The following CDH8 variants were observed in gnomAD, a reference collection of about 807,000 sequenced individuals.
CDH8 encodes the protein cadherin 8.
A neutral mutation model predicts 68.1 loss-of-function variants in CDH8; 17 were observed. The observed-to-expected ratio is 0.25, with a 90% CI of 0.17 to 0.37. The LOEUF (loss-of-function observed/expected upper bound fraction) is 0.37, where lower values mean the gene tolerates loss of function less well. CDH8 is among the 10% of genes least tolerant of loss of function. The pLI, the probability that CDH8 is intolerant of heterozygous loss-of-function variation, is 1.00. For synonymous variants in CDH8, 372 were observed against 365.1 expected (o/e 1.02, Z -0.21); for missense variants, 763 against 999.3 (o/e 0.76, Z 3.19).
At chr16:62,010,032 G>A (rs1316778429) in intron 2 of CDH8, among the ~76,000 whole-genome samples, 3 of 152,052 alleles carry the variant, frequency 2.0e-5, no homozygotes, top group Non-Finnish European at 4.4e-5. Flanking sequence ...AGCCCTGCCC[G>A]GGCCCAGGCT....
intron 1 of CDH8, among the ~76,000 whole-genome samples, chr16:62,034,793 C>T (rs1902413186): frequency 6.6e-6 from 1 of 152,166 alleles, no homozygotes; most frequent in Non-Finnish European, 1.5e-5. Flanking sequence ...TAAGCTCTAT[C>T]GTTTAATTGG....
intron 4 of CDH8, among the ~76,000 whole-genome samples, chr16:61,839,756 C>A (rs1234412696): frequency 6.6e-6 from 1 of 151,998 alleles, no homozygotes; most frequent in Non-Finnish European, 1.5e-5. Context: ...GAGATAGGGA[C>A]TAAGGGTTGG....
At chr16:61,734,279 G>A (rs1034351753) in intron 8 of CDH8, among the ~76,000 whole-genome samples, 1 of 149,668 alleles carries the variant, frequency 6.7e-6, no homozygotes, top group East Asian at 1.9e-4. Context: ...AGGTGAACTA[G>A]GAAGCATTCC....
intron 5 of CDH8, among the ~76,000 whole-genome samples, chr16:61,824,092 GC>G (rs1463083169): frequency 3.3e-5 from 5 of 151,746 alleles, no homozygotes; most frequent in Non-Finnish European, 5.9e-5. Context: ...ATATTATTCA[GC>G]CTTTAAAAAG....
chr16:61,754,857 A>T (rs1960270731), intron 8 of CDH8, among the ~76,000 whole-genome samples: 1 of 152,010 alleles, frequency 6.6e-6, no homozygotes, highest in Non-Finnish European at 1.5e-5. Flanking sequence ...TGGGGTATGA[A>T]TGGCCCCATC....
At chr16:61,702,372 A>G (rs1964447569) in intron 10 of CDH8, among the ~76,000 whole-genome samples, 1 of 145,234 alleles carries the variant, frequency 6.9e-6, no homozygotes, top group Non-Finnish European at 1.5e-5. Flanking sequence ...ACTCCGTCTC[A>G]AAAAAAGAAA....
intron 3 of CDH8, among the ~76,000 whole-genome samples, chr16:61,878,592 G>A (rs923378600): frequency 6.6e-5 from 10 of 152,064 alleles, no homozygotes; most frequent in African/African-American, 1.4e-4. Flanking sequence ...GTGTTGGTCC[G>A]TAGTAGGAGT....
intron 2 of CDH8, among the ~76,000 whole-genome samples, chr16:61,936,697 C>T (rs1964632232): frequency 6.6e-6 from 1 of 152,020 alleles, no homozygotes; most frequent in Admixed American, 6.6e-5. Flanking sequence ...TATGGGGGTC[C>T]AGAACTTAAC....
At chr16:61,924,859 T>A (rs1344773461) in intron 2 of CDH8, among the ~76,000 whole-genome samples, 1 of 152,108 alleles carries the variant, frequency 6.6e-6, no homozygotes, top group African/African-American at 2.4e-5. Flanking sequence ...AGGAGGATTA[T>A]TTGTAAGACA....
intron 10 of CDH8, among the ~76,000 whole-genome samples, chr16:61,683,190 T>C (rs2142806013): frequency 6.6e-6 from 1 of 152,154 alleles, no homozygotes; most frequent in South Asian, 2.1e-4. Flanking sequence ...TGTTTTTTAC[T>C]GCTTTGCAGA....
At chr16:61,715,613 A>T (rs547187380) in intron 9 of CDH8, among the ~76,000 whole-genome samples, 1 of 151,682 alleles carries the variant, frequency 6.6e-6, no homozygotes, top group African/African-American at 2.4e-5. Flanking sequence ...CATTTTGATA[A>T]ATCTTTTATA....
chr16:61,695,971 T>G (rs997110923), intron 10 of CDH8, among the ~76,000 whole-genome samples: 1 of 152,082 alleles, frequency 6.6e-6, no homozygotes, highest in Non-Finnish European at 1.5e-5. Flanking sequence ...TAGCAGATCT[T>G]GATATAAAAA....
chr16:61,809,221 A>G (rs1961879957), intron 7 of CDH8, among the ~76,000 whole-genome samples: 1 of 152,160 alleles, frequency 6.6e-6, no homozygotes, highest in South Asian at 2.1e-4. Context: ...AAAAAACAAA[A>G]AAAGTAACAG....
At chr16:61,766,066 T>C (rs970499981) in intron 8 of CDH8, among the ~76,000 whole-genome samples, 12 of 151,974 alleles carry the variant, frequency 7.9e-5, no homozygotes, top group Non-Finnish European at 1.3e-4. Flanking sequence ...TGGTGAAGTC[T>C]AAGATTTTAG....
At chr16:61,958,949 C>T (rs563542778) in intron 2 of CDH8, among the ~76,000 whole-genome samples, 7 of 152,182 alleles carry the variant, frequency 4.6e-5, no homozygotes, top group East Asian at 1.9e-4. Flanking sequence ...CCTTAGAGAC[C>T]GTACAAAATT....
intron 10 of CDH8, among the ~76,000 whole-genome samples, chr16:61,683,785 CAA>C (rs2142808325): frequency 6.6e-6 from 1 of 152,092 alleles, no homozygotes; most frequent in African/African-American, 2.4e-5. Context: ...TCTTGTTGCT[CAA>C]TGGCAATTTC....
chr16:61,840,813 T>G (rs1157182748), intron 4 of CDH8, among the ~76,000 whole-genome samples: 1 of 152,070 alleles, frequency 6.6e-6, no homozygotes, highest in African/African-American at 2.4e-5. Flanking sequence ...AGCTAATGCA[T>G]GTGGGGCTTA....
chr16:61,902,295 C>T (rs866214720), intron 2 of CDH8, among the ~76,000 whole-genome samples: 171 of 152,084 alleles, frequency 1.1e-3, no homozygotes, highest in African/African-American at 4.0e-3. Flanking sequence ...AAATAGTCTG[C>T]CTAAAACATT....
At chr16:62,020,171 T>C (rs8048141) in intron 2 of CDH8, among the ~76,000 whole-genome samples, 11,807 of 152,264 alleles carry the variant, frequency 0.078, 1,267 homozygotes, top group African/African-American at 0.24. Flanking sequence ...AACTCAAGTC[T>C]TGAAGATCAG....
Sources: gnomAD v4.1 joint callset for allele counts (sites outside exome capture counted in the v4.1 genomes callset) on GRCh38, gnomAD v4.1.1 for gene constraint, MANE v1.5 for transcripts, NCBI Gene and HGNC (gene_info 2026-07-23, HGNC 2026-07-21) for gene names.